CYP4X1: variants seen among roughly 807,000 people sequenced by gnomAD.
The protein encoded by CYP4X1 is cytochrome P450 family 4 subfamily X member 1.
In CYP4X1, 44 loss-of-function variants were observed where a neutral mutation model predicts 57.9. That is an observed-to-expected ratio of 0.76 (90% CI 0.60 to 0.98). The LOEUF (loss-of-function observed/expected upper bound fraction) is 0.98. Ranked by LOEUF, CYP4X1 falls within the 50% of genes least tolerant of loss-of-function variation. CYP4X1 has a pLI of 0.00. For missense variants in CYP4X1, 532 were observed against 623.9 expected, an observed-to-expected ratio of 0.85 and a Z score of 1.57; for synonymous variants, 227 against 228.6, an observed-to-expected ratio of 0.99 and a Z score of 0.06.
At chr1:47,039,252 G>T (rs777410366) in intron 7 of CYP4X1, 90 bp from the exon 8 acceptor site, 168 of 1,237,280 alleles carry the variant, frequency 1.4e-4, no homozygotes, top group Non-Finnish European at 1.8e-4. Flanking sequence ...TTAAAGCTCT[G>T]ATTTTTCCCC....
the CYP4X1 span, among the ~76,000 whole-genome samples, chr1:46,993,089 C>G: frequency 8.2e-6 from 1 of 122,154 alleles, no homozygotes; most frequent in Admixed American, 9.3e-5. Context: ...CCCCTCCCCC[C>G]ACCCCACAAC....
the CYP4X1 span, among the ~76,000 whole-genome samples, chr1:47,012,676 C>T: frequency 6.6e-6 from 1 of 152,178 alleles, no homozygotes; most frequent in Non-Finnish European, 1.5e-5. Context: ...CAAGAGCCCA[C>T]TGATCCAGGG....
upstream of CYP4X1, among the ~76,000 whole-genome samples, chr1:47,019,633 G>C (rs1247260499): frequency 6.6e-6 from 1 of 152,110 alleles, no homozygotes; most frequent in Non-Finnish European, 1.5e-5. Context: ...TCTGAATATT[G>C]CAATAGCATC....
chr1:47,054,963 A>G (rs957028652), downstream of CYP4X1, among the ~76,000 whole-genome samples: 1 of 152,180 alleles, frequency 6.6e-6, no homozygotes, highest in Non-Finnish European at 1.5e-5. Context: ...TATGTTGAAT[A>G]GGAGTGGTGA....
At chr1:47,016,231 A>G in the CYP4X1 span, among the ~76,000 whole-genome samples, 2 of 148,144 alleles carry the variant, frequency 1.4e-5, no homozygotes, top group African/African-American at 2.5e-5. Flanking sequence ...TCAAGAAATT[A>G]AAAAAAAAAA....
At chr1:46,962,436 T>A in the CYP4X1 span, among the ~76,000 whole-genome samples, 1 of 152,164 alleles carries the variant, frequency 6.6e-6, no homozygotes, top group Non-Finnish European at 1.5e-5. Context: ...GTTTTCTGAA[T>A]TGATTCTGGG....
chr1:46,987,292 A>T, the CYP4X1 span, among the ~76,000 whole-genome samples: 1 of 152,248 alleles, frequency 6.6e-6, no homozygotes, highest in African/African-American at 2.4e-5. Flanking sequence ...AAAGAAAGGC[A>T]TTACATAATG....
At chr1:47,019,571 C>G (rs1220146595), upstream of CYP4X1, among the ~76,000 whole-genome samples, 1 of 152,194 alleles carries the variant, frequency 6.6e-6, no homozygotes, top group Non-Finnish European at 1.5e-5. Context: ...TTAGTGAGAC[C>G]TGGCCTGCCA....
chr1:47,045,230 A>G (rs9699991), intron 8 of CYP4X1, among the ~76,000 whole-genome samples: 10,992 of 152,278 alleles, frequency 0.072, 517 homozygotes, highest in East Asian at 0.22. Flanking sequence ...AATCAGAAAA[A>G]CATATAAAAA....
chr1:46,966,539 C>T, the CYP4X1 span, among the ~76,000 whole-genome samples: 1 of 152,066 alleles, frequency 6.6e-6, no homozygotes, highest in Non-Finnish European at 1.5e-5. Flanking sequence ...GGCTCTGTGC[C>T]ACTTCTGGGT....
the CYP4X1 span, among the ~76,000 whole-genome samples, chr1:46,972,106 A>C: frequency 2.6e-5 from 4 of 152,296 alleles, no homozygotes; most frequent in East Asian, 5.8e-4. Context: ...CCTTGAGTTG[A>C]GTTTTGTATA....
At chr1:47,049,853 TTAAGTC>T (rs1234896661) in intron 11 of CYP4X1, 141 bp from the exon 12 acceptor site, 1 of 882,018 alleles carries the variant, frequency 1.1e-6, no homozygotes, top group Admixed American at 2.4e-5. Flanking sequence ...AGTGAACAAT[TTAAGTC>T]TAAAGTTCAA....
chr1:46,986,101 T>C, the CYP4X1 span, among the ~76,000 whole-genome samples: 1 of 152,176 alleles, frequency 6.6e-6, no homozygotes, highest in Non-Finnish European at 1.5e-5. Flanking sequence ...TCTAACCCAA[T>C]GCAAGAAAGT....
chr1:46,974,305 A>G, the CYP4X1 span, among the ~76,000 whole-genome samples: 8 of 151,600 alleles, frequency 5.3e-5, no homozygotes, highest in African/African-American at 7.3e-5. Flanking sequence ...TTTGGTGTGT[A>G]TGTTTTTTCT....
chr1:46,970,598 A>G, the CYP4X1 span, among the ~76,000 whole-genome samples: 1 of 152,340 alleles, frequency 6.6e-6, no homozygotes, highest in Admixed American at 6.5e-5. Context: ...TTTATAGACT[A>G]ATCATTAAAA....
At chr1:46,981,469 A>C in the CYP4X1 span, among the ~76,000 whole-genome samples, 1 of 152,212 alleles carries the variant, frequency 6.6e-6, no homozygotes, top group Non-Finnish European at 1.5e-5. Flanking sequence ...GATCATTAAA[A>C]AGTCAGGAAA....
At chr1:46,981,313 T>C in the CYP4X1 span, among the ~76,000 whole-genome samples, 1 of 152,008 alleles carries the variant, frequency 6.6e-6, no homozygotes, top group Non-Finnish European at 1.5e-5. Flanking sequence ...CATCAAAAAG[T>C]GGGCAAAGGA....
At chr1:47,022,381 C>A (rs374296045), upstream of CYP4X1, among the ~76,000 whole-genome samples, 65 of 147,432 alleles carry the variant, frequency 4.4e-4, no homozygotes, top group East Asian at 0.012. Context: ...ATCTTTGCCT[C>A]TCGGGTTCAA....
At chr1:47,036,388 A>ATATATAT (rs1253688074) in intron 6 of CYP4X1, among the ~76,000 whole-genome samples, 1 of 147,740 alleles carries the variant, frequency 6.8e-6, no homozygotes, top group African/African-American at 2.5e-5. Context: ...ATATATATAC[A>ATATATAT]CTATTTTTAT....
Sources: gnomAD v4.1 joint callset for allele counts (sites outside exome capture counted in the v4.1 genomes callset) on GRCh38, gnomAD v4.1.1 for gene constraint, MANE v1.5 for transcripts, NCBI Gene and HGNC (gene_info 2026-07-23, HGNC 2026-07-21) for gene names.